The following SPTLC3 variants were observed in gnomAD, a reference collection of about 807,000 sequenced individuals.
SPTLC3 encodes serine palmitoyltransferase 3.
A neutral mutation model predicts 59.3 loss-of-function variants in SPTLC3; 36 were observed. The ratio of observed to expected loss-of-function variants is 0.61; its 90% confidence interval spans 0.47 to 0.80. The LOEUF (loss-of-function observed/expected upper bound fraction) is 0.80, where lower values mean the gene tolerates loss of function less well. Ranked by LOEUF, SPTLC3 falls within the 30% of genes least tolerant of loss-of-function variation. SPTLC3 has a pLI of 0.00. For synonymous variants in SPTLC3, 257 were observed against 240.8 expected (o/e 1.07, Z -0.62); for missense variants, 625 against 685.1 (o/e 0.91, Z 0.98).
chr20:13,074,418 G>A lies in SPTLC3; in HGVS notation c.528G>A (p.Lys176=). The A allele has an allele frequency of 6.2e-7, 1 of 1,614,078 alleles. No individual in the cohort carries two copies. Among genetic ancestry groups the A allele is most frequent in the South Asian group, 1.1e-5 (1 of 91,082 alleles). ...ATAACTTCCTTGGTCTTGCAGCCAA[G>A]TATGATGAGTCTATGAGGACAATAA... ...GSYNFLGLAA[K]YDESMRTIKD... is the part of the protein sequence containing the mutation. The change falls in exon 4 of 12, where the codon AAG becomes AAA. Residue 176 remains lysine, a synonymous_variant. Coordinates refer to ENST00000399002, the MANE Select transcript of SPTLC3 (RefSeq NM_018327.4).
At chr20:13,102,361 A>G (rs1989632481) in intron 6 of SPTLC3, among the ~76,000 whole-genome samples, 1 of 152,220 alleles carries the variant, frequency 6.6e-6, no homozygotes, top group African/African-American at 2.4e-5. Context: ...TAACTACAAA[A>G]TGAATCACCT....
chr20:13,078,862 T>C (rs955406903), intron 4 of SPTLC3, among the ~76,000 whole-genome samples: 1 of 151,806 alleles, frequency 6.6e-6, no homozygotes, highest in Non-Finnish European at 1.5e-5. Flanking sequence ...CGAAATAGAG[T>C]TTTGGTCCAT....
At chr20:13,029,131 AGTTT>A (rs1322910269) in intron 1 of SPTLC3, among the ~76,000 whole-genome samples, 3 of 152,170 alleles carry the variant, frequency 2.0e-5, no homozygotes, top group Admixed American at 6.5e-5. Flanking sequence ...ATCTCGGGTT[AGTTT>A]GTTAGCTTAT....
At chr20:13,132,287 G>A (rs2038138541) in intron 9 of SPTLC3, among the ~76,000 whole-genome samples, 1 of 142,396 alleles carries the variant, frequency 7.0e-6, no homozygotes, top group East Asian at 2.1e-4. Flanking sequence ...AGTGACTCTT[G>A]TGCCTCAGCC....
intron 1 of SPTLC3, among the ~76,000 whole-genome samples, chr20:13,043,105 T>G (rs138636452): frequency 9.2e-5 from 14 of 152,338 alleles, no homozygotes; most frequent in African/African-American, 3.4e-4. Flanking sequence ...AGAGACTTAT[T>G]CTTAAACACC....
At chr20:13,009,412 C>T (rs1985111614) in intron 1 of SPTLC3, 28 bp downstream of exon 1, 2 of 1,546,566 alleles carry the variant, frequency 1.3e-6, no homozygotes, top group South Asian at 2.2e-5. Context: ...CTACTCTTCT[C>T]TGAATTACCT....
chr20:13,109,732 C>T (rs571654566), intron 6 of SPTLC3, among the ~76,000 whole-genome samples: 111 of 152,290 alleles, frequency 7.3e-4, no homozygotes, highest in African/African-American at 2.6e-3. Context: ...CATGTCTACA[C>T]GATTGATGAG....
chr20:13,057,081 A>G (rs1462533906), intron 2 of SPTLC3, among the ~76,000 whole-genome samples: 1 of 152,120 alleles, frequency 6.6e-6, no homozygotes, highest in Non-Finnish European at 1.5e-5. Context: ...TTTACATCTG[A>G]TAGTATTCTT....
At chr20:13,110,769 A>G (rs1027104911) in intron 7 of SPTLC3, among the ~76,000 whole-genome samples, 23 of 152,168 alleles carry the variant, frequency 1.5e-4, no homozygotes, top group Admixed American at 1.2e-3. Context: ...TGTCTAGTCC[A>G]TAAGCCAAGG....
chr20:13,158,698 A>C (rs1460302869), intron 10 of SPTLC3, among the ~76,000 whole-genome samples: 1 of 152,210 alleles, frequency 6.6e-6, no homozygotes, highest in Non-Finnish European at 1.5e-5. Context: ...AGTTGAAATC[A>C]AAGGGCTAAT....
chr20:13,078,587 G>A (rs1988730399), intron 4 of SPTLC3, among the ~76,000 whole-genome samples: 1 of 152,024 alleles, frequency 6.6e-6, no homozygotes, highest in African/African-American at 2.4e-5. Context: ...AACAAGCTTT[G>A]CAAGTACTAA....
At chr20:13,060,458 T>C (rs1378269155) in intron 2 of SPTLC3, among the ~76,000 whole-genome samples, 1 of 150,992 alleles carries the variant, frequency 6.6e-6, no homozygotes, top group East Asian at 1.9e-4. Context: ...TAATTTTTTT[T>C]ATTTGTATGA....
At chr20:13,072,499 C>A (rs1346926344) in intron 3 of SPTLC3, 89 bp downstream of exon 3, 1 of 1,355,174 alleles carries the variant, frequency 7.4e-7, no homozygotes, top group Non-Finnish European at 9.9e-7. Flanking sequence ...TCCAAAAAAA[C>A]AAGGCATGGA....
rs1252815662 is a variant in SPTLC3 at position 13,074,406 on chromosome 20, T to C, written c.516T>C (p.Gly172=). The C allele has an allele frequency of 2.5e-6, 4 of 1,614,086 alleles. No homozygotes were observed. The highest frequency in any genetic ancestry group is 1.7e-6 in the Non-Finnish European group (2 of 1,179,970). The change falls in exon 4 of 12, where the codon GGT becomes GGC. Residue 172 remains glycine, a synonymous_variant. Coordinates refer to ENST00000399002, the MANE Select transcript of SPTLC3 (RefSeq NM_018327.4). ...ACATGGGCTCCTATAACTTCCTTGG[T>C]CTTGCAGCCAAGTATGATGAGTCTA... The part of the protein sequence containing the change: ...VINMGSYNFL[G]LAAKYDESMR...
chr20:13,128,871 ATTTTTTTTTTT>A (rs35981991), intron 9 of SPTLC3, among the ~76,000 whole-genome samples: 2 of 114,232 alleles, frequency 1.8e-5, no homozygotes, highest in Non-Finnish European at 3.5e-5. Context: ...TGCCCAGCTA[ATTTTTTTTTTT>A]TTTTTTTTTT....
intron 8 of SPTLC3, among the ~76,000 whole-genome samples, chr20:13,124,006 T>C (rs905611908): frequency 9.2e-5 from 14 of 152,224 alleles, no homozygotes; most frequent in African/African-American, 3.4e-4. Context: ...TGACTGCTGC[T>C]GTCTCTTTGA....
Position 13,164,772 on chromosome 20 carries a change from G to T in SPTLC3, c.1564G>T (p.Glu522Ter), listed in dbSNP as rs1467799648. Residue 522 changes from glutamate (E) to a stop codon, truncating the protein, a stop_gained, in exon 12 of 12, where the codon GAA becomes TAA. Transcript: ENST00000399002. LOFTEE classifies it high-confidence loss of function. ...MLDTVLEALD[E>*]MGDLLQLKYS... ...ATTGCAGGTTTTAGAAGCTCTTGAT[G>T]AAATGGGTGATCTCTTGCAACTGAA... 1 of 1,613,634 alleles carries T rather than the reference G, an allele frequency of 6.2e-7. No homozygotes were observed.
intron 6 of SPTLC3, 97 bp downstream of exon 6, chr20:13,093,674 C>A: frequency 9.2e-7 from 1 of 1,085,688 alleles, no homozygotes; most frequent in Non-Finnish European, 1.3e-6. Flanking sequence ...AAGGTGACAA[C>A]GTAGCCTCAT....
chr20:13,009,335 G>C lies in SPTLC3; in HGVS notation c.68G>C (p.Gly23Ala). The part of the protein sequence containing the change: ...KLHNHKKQSN[G>A]SQSRNCTKNG... ...CACAATCACAAGAAACAGAGCAATGGCTCACAAAGCAGAAACTGCACAAAG... is the reference window on the plus strand; with the variant it reads ...CACAATCACAAGAAACAGAGCAATGCCTCACAAAGCAGAAACTGCACAAAG... Residue 23 changes from glycine (G) to alanine (A), a missense_variant, in exon 1 of 12, where the codon GGC becomes GCC. Coordinates refer to ENST00000399002, the MANE Select transcript of SPTLC3 (RefSeq NM_018327.4). 6.2e-7 allele frequency: 1 copy of C among 1,614,062 alleles called. No individual in the cohort carries two copies. Among genetic ancestry groups the C allele is most frequent in the Non-Finnish European group, 8.5e-7 (1 of 1,179,972 alleles).
Sources: allele counts gnomAD v4.1 joint callset (sites outside exome capture counted in the v4.1 genomes callset), GRCh38; gene constraint gnomAD v4.1.1; transcripts MANE v1.5; gene names NCBI Gene and HGNC (gene_info 2026-07-23, HGNC 2026-07-21).